The following NCAM2 variants were observed in gnomAD, a reference collection of about 807,000 sequenced individuals.
NCAM2 encodes the protein neural cell adhesion molecule 2, also known as N-CAM-2.
NCAM2 carries 30 observed loss-of-function variants against 98.1 expected under a neutral mutation model. The ratio of observed to expected loss-of-function variants is 0.31; its 90% CI spans 0.23 to 0.41. The LOEUF is 0.41. NCAM2 is among the 10% of genes least tolerant of loss of function. The probability of loss-of-function intolerance (pLI) is 1.00; values close to 1 mark genes in which losing one functional copy is unlikely to be tolerated. For synonymous variants in NCAM2, 368 were observed against 342.4 expected (o/e 1.07, Z -0.83); for missense variants, 867 against 1,005.8 (o/e 0.86, Z 1.87).
At chr21:21,042,165 A>C (rs2064919289) in intron 1 of NCAM2, among the ~76,000 whole-genome samples, 1 of 152,160 alleles carries the variant, frequency 6.6e-6, no homozygotes, top group Non-Finnish European at 1.5e-5. Flanking sequence ...TGGAATAAAT[A>C]GAAATATCTC....
chr21:21,291,601 C>A (rs1391901498), intron 4 of NCAM2, among the ~76,000 whole-genome samples: 2 of 151,654 alleles, frequency 1.3e-5, no homozygotes, highest in African/African-American at 4.8e-5. Flanking sequence ...GAGATATAAT[C>A]TTTTTTATAT....
At position 21,324,421 on chromosome 21, in the gene NCAM2, G is replaced by A; in HGVS notation, c.658G>A (p.Ala220Thr). Residue 220 changes from alanine (A) to threonine (T), a missense_variant, in exon 6 of 18, where the codon GCC becomes ACC. Physicochemically the swap from Ala to Thr is moderately conservative, Grantham distance 58 (BLOSUM62 0). Transcript: ENST00000400546. ...AISMPQKSFNATAERGEEMTF... is the reference protein window; with the variant it reads ...AISMPQKSFNTTAERGEEMTF... ...CTCAATGCCTCAGAAATCTTTTAAT[G>A]CCACAGCAGAGAGAGGAGAAGAAAT... 2 of 1,613,556 alleles carry A rather than the reference G, an allele frequency of 1.2e-6. No homozygotes were observed. Among genetic ancestry groups the A allele is most frequent in the South Asian group, 1.1e-5 (1 of 91,046 alleles).
At position 21,046,717 on chromosome 21, in the gene NCAM2, A is replaced by G. The variant is rs189662382; in HGVS notation, c.55+48099A>G. 1.3e-3 allele frequency among the ~76,000 whole-genome samples: 200 copies of G among 152,288 alleles called. 4 individuals are homozygous for G. The highest frequency in any genetic ancestry group is 0.012 in the Admixed American group (180 of 15,286). On this transcript the variant is annotated intron_variant, in intron 1 of 17. Transcript: ENST00000400546. ...ACTGCATTGGTACTGCAGTTCAGGG[A>G]AACTTAATTCTTACTGGTTTGTTTT...
intron 15 of NCAM2, among the ~76,000 whole-genome samples, chr21:21,508,277 T>C (rs895128249): frequency 7.2e-5 from 11 of 152,174 alleles, no homozygotes; most frequent in Non-Finnish European, 1.5e-4. Context: ...GTGATCCATT[T>C]CTTGCCAAAT....
chr21:21,238,568 A>C (rs567759264), intron 1 of NCAM2, among the ~76,000 whole-genome samples: 1 of 151,638 alleles, frequency 6.6e-6, no homozygotes, highest in East Asian at 2.0e-4. Flanking sequence ...TTTGGGGGGA[A>C]ATTAAATTTA....
intron 9 of NCAM2, among the ~76,000 whole-genome samples, chr21:21,397,124 G>A (rs1162502866): frequency 6.6e-6 from 1 of 152,152 alleles, no homozygotes; most frequent in East Asian, 1.9e-4. Flanking sequence ...CCTGACATCT[G>A]TCCAACTCTG....
At chr21:21,422,969 T>A (rs1050618574) in intron 11 of NCAM2, among the ~76,000 whole-genome samples, 3 of 152,166 alleles carry the variant, frequency 2.0e-5, no homozygotes, top group African/African-American at 7.2e-5. Flanking sequence ...TGTATATTTA[T>A]ATGCATATTT....
chr21:21,405,038 C>T (rs961936578), intron 9 of NCAM2, among the ~76,000 whole-genome samples: 29 of 151,178 alleles, frequency 1.9e-4, no homozygotes, highest in African/African-American at 6.6e-4. Flanking sequence ...GTAACTTTAC[C>T]GGGACTGAAA....
At chr21:21,384,680 A>C (rs1156641561) in intron 9 of NCAM2, among the ~76,000 whole-genome samples, 1 of 152,038 alleles carries the variant, frequency 6.6e-6, no homozygotes, top group African/African-American at 2.4e-5. Flanking sequence ...TAATTGAAAG[A>C]CCAAATCATG....
intron 5 of NCAM2, among the ~76,000 whole-genome samples, chr21:21,324,177 A>G (rs1029640730): frequency 6.6e-6 from 1 of 152,192 alleles, no homozygotes; most frequent in Admixed American, 6.5e-5. Context: ...CATGTACCCT[A>G]GAACTTAAAG....
intron 7 of NCAM2, among the ~76,000 whole-genome samples, chr21:21,336,665 G>A (rs1216780890): frequency 6.6e-6 from 1 of 152,182 alleles, no homozygotes; most frequent in Non-Finnish European, 1.5e-5. Flanking sequence ...GCCCTCTGCA[G>A]ACTGGCCCTG....
chr21:21,017,863 ATATT>A lies in NCAM2; in HGVS notation c.55+19247_55+19250del, dbSNP rs1239311910. On this transcript the variant is annotated intron_variant, in intron 1 of 17. Transcript: ENST00000400546. ...TTTGTTTGTATAGGTCTGTGTATAT[ATATT>A]TGTGTGTGTGTATATACTTATACAC... Among the ~76,000 whole-genome samples, 6 of 152,272 alleles carry A rather than the reference ATATT, an allele frequency of 3.9e-5. No individual in the cohort carries two copies. In the East Asian group the frequency reaches 7.7e-4, roughly 20 times the overall value.
chr21:21,500,921 T>C (rs1987588786), intron 15 of NCAM2, among the ~76,000 whole-genome samples: 1 of 152,076 alleles, frequency 6.6e-6, no homozygotes, highest in African/African-American at 2.4e-5. Context: ...TTTGGTTTTA[T>C]ACTGGAAGAA....
At chr21:21,049,853 A>G (rs1282773144) in intron 1 of NCAM2, among the ~76,000 whole-genome samples, 4 of 151,180 alleles carry the variant, frequency 2.6e-5, no homozygotes, top group African/African-American at 9.7e-5. Context: ...CCTGGGCAAA[A>G]AGAGTGAAAC....
intron 10 of NCAM2, among the ~76,000 whole-genome samples, chr21:21,414,053 T>C (rs1215239929): frequency 6.6e-6 from 1 of 152,214 alleles, no homozygotes; most frequent in African/African-American, 2.4e-5. Context: ...CATTTCAACA[T>C]TTTTCAGGCA....
intron 12 of NCAM2, among the ~76,000 whole-genome samples, chr21:21,438,180 T>C (rs550971866): frequency 6.6e-6 from 1 of 152,242 alleles, no homozygotes; most frequent in African/African-American, 2.4e-5. Flanking sequence ...TTACTTTTCC[T>C]TGGTAGTAAA....
chr21:21,045,352 A>G (rs1338827413), intron 1 of NCAM2, among the ~76,000 whole-genome samples: 3 of 152,258 alleles, frequency 2.0e-5, no homozygotes, highest in East Asian at 1.9e-4. Flanking sequence ...CAGAATAGAT[A>G]GAAACTAGGC....
chr21:21,191,367 GT>G (rs1322529168), intron 1 of NCAM2, among the ~76,000 whole-genome samples: 3 of 152,120 alleles, frequency 2.0e-5, no homozygotes. Context: ...CTCAAATCCT[GT>G]TGTGACCTTT....
At chr21:21,500,791 C>T (rs1265538217) in intron 15 of NCAM2, among the ~76,000 whole-genome samples, 1 of 151,934 alleles carries the variant, frequency 6.6e-6, no homozygotes, top group East Asian at 1.9e-4. Context: ...TAAGGTCTTC[C>T]CTGTAGAAGA....
Sources: allele counts gnomAD v4.1 joint callset (sites outside exome capture counted in the v4.1 genomes callset), GRCh38; gene constraint gnomAD v4.1.1; transcripts MANE v1.5; gene names NCBI Gene and HGNC (gene_info 2026-07-23, HGNC 2026-07-21).